Variants in FAS observed in about 807,000 individuals in gnomAD.
FAS encodes the protein Fas cell surface death receptor, also known as tumor necrosis factor receptor superfamily member 6.
Under a neutral mutation model 33.2 loss-of-function variants are expected in FAS, and 5 were observed. The ratio of observed to expected loss-of-function variants is 0.15; its 90% CI spans 0.08 to 0.32. FAS has a LOEUF of 0.32. Among genes scored for constraint, FAS ranks in the 10% least tolerant of loss-of-function variants. The probability of loss-of-function intolerance (pLI) is 1.00; values close to 1 mark genes in which losing one functional copy is unlikely to be tolerated. For synonymous variants in FAS, 131 were observed against 130.7 expected, an observed-to-expected ratio of 1.00 and a Z score of -0.01; for missense variants, 339 against 386.0, an observed-to-expected ratio of 0.88 and a Z score of 1.02.
chr10:88,989,797 T>C (rs1434573149), upstream of FAS, among the ~76,000 whole-genome samples: 2 of 152,194 alleles, frequency 1.3e-5, no homozygotes, highest in Non-Finnish European at 2.9e-5. Flanking sequence ...GGTGCAGAGC[T>C]TGGTGGACGA....
intron 1 of FAS, among the ~76,000 whole-genome samples, chr10:88,968,569 G>T (rs1846364809): frequency 6.6e-6 from 1 of 152,152 alleles, no homozygotes; most frequent in South Asian, 2.1e-4. Context: ...TGGTAGAGAG[G>T]AAGAGAAAAT....
intron 3 of FAS, 52 bp from the exon 4 acceptor site, chr10:89,008,837 G>A (rs1008320960): frequency 2.6e-6 from 4 of 1,547,158 alleles, no homozygotes; most frequent in Non-Finnish European, 3.6e-6. Flanking sequence ...CATTTTCATA[G>A]TCTGCTTATA....
At chr10:88,989,479 T>A (rs774692551), upstream of FAS, 2 of 543,336 alleles carry the variant, frequency 3.7e-6, no homozygotes, top group African/African-American at 3.8e-5. Context: ...ATGCTCAGAG[T>A]GTGTGCACAA....
intron 1 of FAS, 96 bp from the exon 2 acceptor site, chr10:89,002,933 A>T: frequency 7.5e-7 from 1 of 1,326,116 alleles, no homozygotes; most frequent in Non-Finnish European, 1.1e-6. Context: ...TTGCCTGTGC[A>T]CAGCAGATAC....
At chr10:89,011,582 C>T (rs546770369) in intron 6 of FAS, among the ~76,000 whole-genome samples, 7 of 152,346 alleles carry the variant, frequency 4.6e-5, no homozygotes, top group African/African-American at 1.7e-4. Flanking sequence ...TTAATGCATA[C>T]ACCTATTGAG....
At chr10:88,978,526 C>T (rs1846630028) in intron 2 of FAS, among the ~76,000 whole-genome samples, 1 of 152,188 alleles carries the variant, frequency 6.6e-6, no homozygotes, top group African/African-American at 2.4e-5. Flanking sequence ...CCTTTCATCA[C>T]CCCTGCTCTG....
intron 8 of FAS, among the ~76,000 whole-genome samples, chr10:89,013,616 A>C (rs1022387025): frequency 2.6e-5 from 4 of 152,202 alleles, no homozygotes; most frequent in Admixed American, 2.0e-4. Flanking sequence ...CTTTTCCTTC[A>C]TAATCAGCTA....
chr10:89,010,796 A>G lies in FAS; in HGVS notation c.549A>G (p.Pro183=), dbSNP rs780593924. ...GGTGGCTTTGTCTTCTTCTTTTGCC[A>G]ATTCCACTAATTGTTTGGGGTAAGT... is the stretch of plus-strand genomic sequence containing the variant. ...NLGWLCLLLL[P]IPLIVWVKRK... is the part of the protein sequence containing the mutation. Residue 183 remains proline (P), a synonymous_variant, in exon 6 of 9, where the codon CCA becomes CCG. Transcript: ENST00000652046. The G allele has an allele frequency of 9.3e-6, 15 of 1,614,094 alleles. No individual in the cohort carries two copies. The highest frequency in any genetic ancestry group is 1.3e-5 in the Non-Finnish European group (15 of 1,179,988).
At chr10:88,998,371 A>G (rs1847727414) in intron 1 of FAS, among the ~76,000 whole-genome samples, 1 of 151,900 alleles carries the variant, frequency 6.6e-6, no homozygotes, top group Admixed American at 6.6e-5. Flanking sequence ...AATCAAAACA[A>G]AAACAGTGAA....
chr10:88,977,302 AC>A lies in FAS; in HGVS notation n.260+3956del, dbSNP rs1353005119. ...TAGGGTTTTTATGGTTTTAGGTCTA[AC>A]ATTTAAGTCTTTAATCCATCTTGAA... On this transcript the variant is annotated intron_variant and non_coding_transcript_variant, in intron 2 of 3. Coordinates refer to the FAS transcript ENST00000688239. Among the ~76,000 whole-genome samples the A allele has an allele frequency of 2.6e-5, 4 of 151,662 alleles. No individual in the cohort carries two copies. The East Asian group carries it at 5.8e-4, about 22-fold the overall frequency.
Position 89,008,945 on chromosome 10 carries a change from C to G in FAS, c.391C>G (p.Pro131Ala). 6.2e-7 allele frequency: 1 copy of G among 1,613,994 alleles called. No homozygotes were observed. ...CCAGAATACCAAGTGCAGATGTAAACCAAACTTTTTTTGTAACTCTACTGT... is the reference window on the plus strand; with the variant it reads ...CCAGAATACCAAGTGCAGATGTAAAGCAAACTTTTTTTGTAACTCTACTGT... ...RTQNTKCRCK[P>A]NFFCNSTVCE... is the part of the protein sequence containing the mutation. The change falls in exon 4 of 9, where the codon CCA (proline) becomes GCA (alanine). Residue 131 changes from proline to alanine, a missense_variant. Around this residue, in one of 3 missense-constraint regions of FAS, gnomAD observed 276 missense variants for 300.1 expected, o/e 0.92. Transcript: ENST00000652046.
chr10:89,006,947 G>A (rs1352877457), intron 2 of FAS, among the ~76,000 whole-genome samples: 1 of 152,102 alleles, frequency 6.6e-6, no homozygotes, highest in Non-Finnish European at 1.5e-5. Flanking sequence ...AAGATAACAA[G>A]CCTGATAGAT....
chr10:88,981,880 G>C (rs187936118), upstream of FAS, among the ~76,000 whole-genome samples: 5 of 152,312 alleles, frequency 3.3e-5, no homozygotes, highest in East Asian at 9.6e-4. Flanking sequence ...ACTGTGCAAA[G>C]AGCCCAGGCT....
intron 1 of FAS, among the ~76,000 whole-genome samples, chr10:88,967,303 A>G (rs891891321): frequency 6.6e-6 from 1 of 152,208 alleles, no homozygotes; most frequent in Admixed American, 6.5e-5. Context: ...GGTAGGGGCA[A>G]GAGTATGGAC....
intron 1 of FAS, among the ~76,000 whole-genome samples, chr10:88,992,774 T>C (rs1847327649): frequency 6.6e-6 from 1 of 152,182 alleles, no homozygotes; most frequent in Non-Finnish European, 1.5e-5. Context: ...CCCTCTAATA[T>C]GACTCTTTTA....
intron 2 of FAS, among the ~76,000 whole-genome samples, chr10:89,005,150 T>G (rs1848148349): frequency 6.7e-6 from 1 of 150,154 alleles, no homozygotes; most frequent in Non-Finnish European, 1.5e-5. Flanking sequence ...ATTGGTATGT[T>G]TATGTTTTCC....
intron 2 of FAS, among the ~76,000 whole-genome samples, chr10:88,981,722 A>G (rs1846717402): frequency 6.6e-6 from 1 of 152,142 alleles, no homozygotes; most frequent in South Asian, 2.1e-4. Flanking sequence ...TAGATAAAAG[A>G]TTGGGCAAAG....
chr10:89,002,346 T>G (rs771693451), intron 1 of FAS, among the ~76,000 whole-genome samples: 3 of 152,218 alleles, frequency 2.0e-5, no homozygotes, highest in Non-Finnish European at 2.9e-5. Flanking sequence ...GGGTACTTGA[T>G]GATTTAAACC....
chr10:89,010,129 G>C (rs9658761), intron 4 of FAS, among the ~76,000 whole-genome samples: 2 of 152,154 alleles, frequency 1.3e-5, no homozygotes, highest in South Asian at 2.1e-4. Context: ...CATCATGGGC[G>C]TGGCTATCAC....
Sources: gnomAD v4.1 joint callset for allele counts (sites outside exome capture counted in the v4.1 genomes callset) on GRCh38, gnomAD v4.1.1 for gene constraint, gnomAD v4.1.1 regional missense constraint, MANE v1.5 for transcripts, NCBI Gene and HGNC (gene_info 2026-07-23, HGNC 2026-07-21) for gene names.